Variants in PLEKHA5 observed in about 807,000 individuals in gnomAD.
The protein encoded by PLEKHA5 is pleckstrin homology domain-containing family A member 5.
PLEKHA5 carries 55 observed loss-of-function variants against 181.9 expected under a neutral mutation model. The observed-to-expected ratio is 0.30, with a 90% CI of 0.24 to 0.38. The LOEUF (loss-of-function observed/expected upper bound fraction) is 0.38. Ranked by LOEUF, PLEKHA5 falls within the 10% of genes least tolerant of loss-of-function variation. The pLI, the probability that PLEKHA5 is intolerant of heterozygous loss-of-function variation, is 1.00. For synonymous variants in PLEKHA5, 535 were observed against 529.4 expected (o/e 1.01, Z -0.15); for missense variants, 1,432 against 1,549.5 (o/e 0.92, Z 1.27).
intron 15 of PLEKHA5, among the ~76,000 whole-genome samples, chr12:19,301,145 C>A (rs373372849): frequency 6.6e-6 from 1 of 151,816 alleles, no homozygotes; most frequent in Non-Finnish European, 1.5e-5. Context: ...AGCGAAACTC[C>A]GTCTCAAAAA....
At position 19,336,555 on chromosome 12, in the gene PLEKHA5, A is replaced by G. The variant is rs2093438697; in HGVS notation, c.2489A>G (p.Tyr830Cys). The change falls in exon 21 of 32, where the codon TAC becomes TGC. Residue 830 changes from tyrosine to cysteine, a missense_variant. By Grantham distance (194) the Tyr-to-Cys change is radical (BLOSUM62 -2). Around this residue, in one of 2 missense-constraint regions of PLEKHA5, gnomAD observed 1,143 missense variants for 1,168.4 expected, o/e 0.98. Coordinates refer to ENST00000429027, the MANE Select transcript of PLEKHA5 (RefSeq NM_001256470.2). ...TGGAGAGAATATGATAAGTTAGAAT[A>G]CGATGTAACTGTTACCAGGAACCAG... ...RAWREYDKLEYDVTVTRNQMQ... is the reference protein window; with the variant it reads ...RAWREYDKLECDVTVTRNQMQ... The G allele has an allele frequency of 1.2e-6, 2 of 1,609,920 alleles. No homozygotes were observed. The highest frequency in any genetic ancestry group is 1.7e-6 in the Non-Finnish European group (2 of 1,176,964).
intron 6 of PLEKHA5, among the ~76,000 whole-genome samples, chr12:19,260,622 C>T (rs901293201): frequency 6.6e-6 from 1 of 152,008 alleles, no homozygotes; most frequent in Non-Finnish European, 1.5e-5. Context: ...TTCGGAAGGC[C>T]AAGGCGGGTG....
chr12:19,237,382 T>C (rs547293486), intron 3 of PLEKHA5, among the ~76,000 whole-genome samples: 1 of 152,126 alleles, frequency 6.6e-6, no homozygotes, highest in African/African-American at 2.4e-5. Context: ...TAAAATCTTA[T>C]TGTTCCTTAT....
At chr12:19,216,232 T>A (rs2152258631) in intron 3 of PLEKHA5, among the ~76,000 whole-genome samples, 1 of 152,350 alleles carries the variant, frequency 6.6e-6, no homozygotes, top group South Asian at 2.1e-4. Context: ...TACAAAATTT[T>A]TGCAGCTAAA....
At chr12:19,175,333 A>G (rs1291402174) in intron 3 of PLEKHA5, among the ~76,000 whole-genome samples, 5 of 152,212 alleles carry the variant, frequency 3.3e-5, no homozygotes, top group Admixed American at 3.3e-4. Context: ...GGCCATTGAA[A>G]TGTTGTTTAT....
At chr12:19,240,440 GT>G (rs199524525) in intron 3 of PLEKHA5, among the ~76,000 whole-genome samples, 3,761 of 129,010 alleles carry the variant, frequency 0.029, 50 homozygotes, top group Middle Eastern at 0.052. Context: ...TCATTAGGGA[GT>G]TTTTTTTTTT....
In PLEKHA5 at chr12:19,365,557, A is replaced by G. The variant is rs186275991; in HGVS notation, c.3609-407A>G. Among the ~76,000 whole-genome samples, 133 of 152,286 alleles carry G rather than the reference A, an allele frequency of 8.7e-4. 1 individual carries two copies. Among genetic ancestry groups the G allele is most frequent in the Non-Finnish European group, 9.8e-4 (67 of 68,026 alleles). ...CTTTAAGGAATTTGTCAGGCAATATATGGACCTTGTTTGGATCCTGATTCT... is the reference window on the plus strand; with the variant it reads ...CTTTAAGGAATTTGTCAGGCAATATGTGGACCTTGTTTGGATCCTGATTCT... On this transcript the variant is annotated intron_variant, in intron 29 of 31. Transcript: ENST00000429027.
intron 3 of PLEKHA5, among the ~76,000 whole-genome samples, chr12:19,134,959 A>T (rs1000416609): frequency 6.6e-6 from 1 of 152,082 alleles, no homozygotes; most frequent in East Asian, 1.9e-4. Context: ...GTGGTTATTG[A>T]TCAAATTGTA....
chr12:19,233,861 A>T (rs928357623), intron 3 of PLEKHA5, among the ~76,000 whole-genome samples: 3 of 152,160 alleles, frequency 2.0e-5, no homozygotes, highest in Non-Finnish European at 2.9e-5. Context: ...GAGAATCAGG[A>T]TTAATTGAGA....
chr12:19,323,800 AGT>A (rs375731669), intron 20 of PLEKHA5, among the ~76,000 whole-genome samples: 149 of 138,350 alleles, frequency 1.1e-3, no homozygotes, highest in African/African-American at 3.6e-3. Flanking sequence ...TGGGCAACAG[AGT>A]GAGACTCTGT....
chr12:19,224,859 A>C (rs979770732), intron 3 of PLEKHA5, among the ~76,000 whole-genome samples: 5 of 152,310 alleles, frequency 3.3e-5, no homozygotes, highest in African/African-American at 4.8e-5. Flanking sequence ...TGTTTTAGCC[A>C]GGCATGATGG....
intron 3 of PLEKHA5, among the ~76,000 whole-genome samples, chr12:19,144,334 A>G (rs1462563541): frequency 6.6e-6 from 1 of 152,222 alleles, no homozygotes; most frequent in Non-Finnish European, 1.5e-5. Context: ...TCCATGCGGT[A>G]TAACTGAGGT....
At chr12:19,247,464 G>C (rs142925488) in intron 3 of PLEKHA5, among the ~76,000 whole-genome samples, 279 of 152,184 alleles carry the variant, frequency 1.8e-3, no homozygotes, top group African/African-American at 6.3e-3. Context: ...GTAGACTAAT[G>C]AATTTCTATT....
At chr12:19,245,750 A>C (rs946487299) in intron 3 of PLEKHA5, among the ~76,000 whole-genome samples, 31 of 131,392 alleles carry the variant, frequency 2.4e-4, no homozygotes, top group Non-Finnish European at 4.0e-4. Flanking sequence ...AAAAAAAAAA[A>C]CCTTCCTTTT....
rs906906526 is a variant in PLEKHA5, at chr12:19,227,883, A to C, written c.228-26057A>C. On this transcript the variant is annotated intron_variant, in intron 3 of 31. Coordinates refer to ENST00000429027, the MANE Select transcript of PLEKHA5 (RefSeq NM_001256470.2). Reference sequence around the variant, plus strand: ...AAGAGAACGTTTCATTCAAAATCTAAACAGTAATATAAGCTAAGTCAAACT... The same window carrying C: ...AAGAGAACGTTTCATTCAAAATCTACACAGTAATATAAGCTAAGTCAAACT... 2.0e-5 allele frequency among the ~76,000 whole-genome samples: 3 copies of C among 152,202 alleles called. No individual in the cohort carries two copies. The East Asian group carries it at 5.8e-4, about 29-fold the overall frequency.
At chr12:19,331,143 T>A (rs937764557) in intron 20 of PLEKHA5, among the ~76,000 whole-genome samples, 13 of 152,172 alleles carry the variant, frequency 8.5e-5, no homozygotes, top group Admixed American at 1.3e-4. Context: ...TGCTTTTTTT[T>A]AAACTATAGC....
chr12:19,142,014 G>A (rs1256410400), intron 3 of PLEKHA5, among the ~76,000 whole-genome samples: 2 of 151,820 alleles, frequency 1.3e-5, no homozygotes, highest in African/African-American at 4.8e-5. Flanking sequence ...AAAAAAGTTT[G>A]CCTCTAAGGT....
chr12:19,230,073 A>G (rs2060262369), intron 3 of PLEKHA5, among the ~76,000 whole-genome samples: 1 of 151,984 alleles, frequency 6.6e-6, no homozygotes. Flanking sequence ...TGGTGTATTT[A>G]CAATCCCTTA....
chr12:19,338,650 A>G (rs2093642695), intron 21 of PLEKHA5, among the ~76,000 whole-genome samples: 1 of 151,778 alleles, frequency 6.6e-6, no homozygotes, highest in African/African-American at 2.4e-5. Context: ...GGCATGAGTC[A>G]CCAAGCCCAG....
Sources: allele counts gnomAD v4.1 joint callset (sites outside exome capture counted in the v4.1 genomes callset), GRCh38; gene constraint gnomAD v4.1.1; regional missense constraint gnomAD v4.1.1; transcripts MANE v1.5; gene names NCBI Gene and HGNC (gene_info 2026-07-23, HGNC 2026-07-21).